MAST4: variants seen among roughly 807,000 people sequenced by gnomAD.
The protein encoded by MAST4 is microtubule associated serine/threonine kinase family member 4.
Under a neutral mutation model 162.7 loss-of-function variants are expected in MAST4, and 89 were observed. The observed-to-expected ratio is 0.55, with a 90% CI of 0.46 to 0.65. The LOEUF (loss-of-function observed/expected upper bound fraction) is 0.65. MAST4 is among the 30% of genes least tolerant of loss of function. The probability of loss-of-function intolerance (pLI) is 0.00; values close to 1 mark genes in which losing one functional copy is unlikely to be tolerated. For missense variants in MAST4, 3,153 were observed against 3,374.0 expected, an observed-to-expected ratio of 0.93 and a Z score of 1.62; for synonymous variants, 1,479 against 1,361.1, an observed-to-expected ratio of 1.09 and a Z score of -1.91.
intron 3 of MAST4, among the ~76,000 whole-genome samples, chr5:66,898,563 C>CT (rs1390430630): frequency 6.6e-6 from 1 of 152,074 alleles, no homozygotes; most frequent in African/African-American, 2.4e-5. Flanking sequence ...TCAGCAAACA[C>CT]TATAATTTCT....
chr5:66,687,678 A>ATCTATCTATCTG (rs1272114133), intron 1 of MAST4, among the ~76,000 whole-genome samples: 1 of 149,934 alleles, frequency 6.7e-6, no homozygotes, highest in Non-Finnish European at 1.5e-5. Flanking sequence ...CTATCTATCT[A>ATCTATCTATCTG]TACGCACCAC....
intron 4 of MAST4, among the ~76,000 whole-genome samples, chr5:66,950,817 T>C (rs566740226): frequency 1.3e-5 from 2 of 152,238 alleles, no homozygotes; most frequent in South Asian, 4.1e-4. Context: ...AATTGCCAGA[T>C]CATATGGTAA....
chr5:67,063,689 T>C (rs1759903092), intron 5 of MAST4, among the ~76,000 whole-genome samples: 2 of 152,258 alleles, frequency 1.3e-5, no homozygotes, highest in South Asian at 4.1e-4. Context: ...AGGTTTTTCA[T>C]TCTGTTTAAT....
At chr5:66,824,429 G>A (rs1757143964) in intron 3 of MAST4, among the ~76,000 whole-genome samples, 1 of 152,200 alleles carries the variant, frequency 6.6e-6, no homozygotes, top group African/African-American at 2.4e-5. Flanking sequence ...TCCGACTTCA[G>A]CTCCCATCGC....
chr5:66,814,652 T>C (rs1756637326), intron 3 of MAST4, among the ~76,000 whole-genome samples: 1 of 152,092 alleles, frequency 6.6e-6, no homozygotes, highest in Admixed American at 6.5e-5. Context: ...GAGGTAAAAA[T>C]ACTGGGGATT....
At chr5:66,870,641 T>C (rs1438968289) in intron 3 of MAST4, 4 of 358,518 alleles carry the variant, frequency 1.1e-5, no homozygotes, top group African/African-American at 4.3e-5. Context: ...GTTTTTGTTA[T>C]TGATGTTTAG....
intron 2 of MAST4, among the ~76,000 whole-genome samples, chr5:66,781,938 G>C (rs766693070): frequency 4.6e-5 from 7 of 152,014 alleles, no homozygotes; most frequent in Non-Finnish European, 1.0e-4. Flanking sequence ...AATTATTGCA[G>C]ACTTGGTATT....
chr5:67,064,664 C>T (rs758015514), intron 5 of MAST4, among the ~76,000 whole-genome samples: 15 of 152,212 alleles, frequency 9.9e-5, no homozygotes, highest in Admixed American at 3.9e-4. Flanking sequence ...TCAAACTCTT[C>T]CATAATTTAG....
At chr5:67,035,779 C>T (rs1344275451) in intron 4 of MAST4, among the ~76,000 whole-genome samples, 2 of 152,142 alleles carry the variant, frequency 1.3e-5, no homozygotes, top group Non-Finnish European at 2.9e-5. Context: ...CCTTGGAGTC[C>T]GTCAGTGGAA....
intron 1 of MAST4, among the ~76,000 whole-genome samples, chr5:66,648,989 A>T (rs1181954319): frequency 6.6e-6 from 1 of 152,130 alleles, no homozygotes; most frequent in Non-Finnish European, 1.5e-5. Context: ...GGGTGTCTGG[A>T]CATACCTTCA....
chr5:66,649,432 G>C (rs1746069483), intron 1 of MAST4, among the ~76,000 whole-genome samples: 1 of 152,304 alleles, frequency 6.6e-6, no homozygotes, highest in Middle Eastern at 3.4e-3. Flanking sequence ...AGGAGCAGAA[G>C]TGGGCCATAC....
intron 1 of MAST4, among the ~76,000 whole-genome samples, chr5:66,619,883 G>A (rs557585705): frequency 1.3e-5 from 2 of 151,534 alleles, no homozygotes; most frequent in African/African-American, 4.8e-5. Context: ...ATATGTCCTT[G>A]AGTCCTATAA....
intron 5 of MAST4, among the ~76,000 whole-genome samples, chr5:67,057,450 A>G (rs1036064153): frequency 2.0e-5 from 3 of 152,098 alleles, no homozygotes. Context: ...AGATGGGGAC[A>G]TTAATTTGTG....
intron 3 of MAST4, among the ~76,000 whole-genome samples, chr5:66,839,043 G>A: frequency 6.6e-6 from 1 of 152,180 alleles, no homozygotes; most frequent in Non-Finnish European, 1.5e-5. Context: ...GGTGGTAGAT[G>A]ATGCTGCTGG....
At chr5:66,931,292 A>G (rs1370493681) in intron 4 of MAST4, among the ~76,000 whole-genome samples, 5 of 152,112 alleles carry the variant, frequency 3.3e-5, no homozygotes, top group Admixed American at 2.0e-4. Context: ...AGGGTTTTTT[A>G]AAGGTTTATT....
At chr5:66,827,596 G>C (rs1459531754) in intron 3 of MAST4, among the ~76,000 whole-genome samples, 1 of 152,160 alleles carries the variant, frequency 6.6e-6, no homozygotes, top group Non-Finnish European at 1.5e-5. Context: ...TGAATGGGTA[G>C]GGAACCACTA....
At chr5:66,796,517 G>A (rs1297203492) in intron 3 of MAST4, among the ~76,000 whole-genome samples, 1 of 152,124 alleles carries the variant, frequency 6.6e-6, no homozygotes, top group Non-Finnish European at 1.5e-5. Context: ...GCGTGGGTGT[G>A]CCTGGAAAGA....
chr5:66,702,119 T>C (rs1749817339), intron 1 of MAST4, among the ~76,000 whole-genome samples: 1 of 152,204 alleles, frequency 6.6e-6, no homozygotes, highest in Non-Finnish European at 1.5e-5. Flanking sequence ...ATAATGTTGA[T>C]TGGCTCCTTG....
chr5:67,094,227 CGTCTT>C (rs1764180752), intron 6 of MAST4: 1 of 1,212,148 alleles, frequency 8.2e-7, no homozygotes, highest in African/African-American at 1.5e-5. Flanking sequence ...TGAATTTTTC[CGTCTT>C]GTCTTTGTGG....
Sources: allele counts gnomAD v4.1 joint callset (sites outside exome capture counted in the v4.1 genomes callset), GRCh38; gene constraint gnomAD v4.1.1; transcripts MANE v1.5; gene names NCBI Gene and HGNC (gene_info 2026-07-23, HGNC 2026-07-21).